The following CSMD1 variants were observed in gnomAD, a reference collection of about 807,000 sequenced individuals.
CSMD1 encodes CUB and Sushi multiple domains 1.
A neutral mutation model predicts 417.5 loss-of-function variants in CSMD1; 213 were observed. The ratio of observed to expected loss-of-function variants is 0.51; its 90% confidence interval spans 0.46 to 0.57. The LOEUF is 0.57. Among genes scored for constraint, CSMD1 ranks in the 20% least tolerant of loss-of-function variants. The probability of loss-of-function intolerance (pLI) is 0.00; values close to 1 mark genes in which losing one functional copy is unlikely to be tolerated. For missense variants in CSMD1, 6,923 were observed against 4,529.7 expected (o/e 1.53, Z -15.17); for synonymous variants, 2,862 against 1,736.8 (o/e 1.65, Z -16.11).
At chr8:3,662,328 T>C (rs150219686) in intron 7 of CSMD1, among the ~76,000 whole-genome samples, 134 of 152,336 alleles carry the variant, frequency 8.8e-4, no homozygotes, top group African/African-American at 3.0e-3. Context: ...AACAGTTAAA[T>C]GGTTTCTTAA....
chr8:3,478,067 A>T (rs1377954949), intron 11 of CSMD1, among the ~76,000 whole-genome samples: 3 of 152,226 alleles, frequency 2.0e-5, no homozygotes, highest in Non-Finnish European at 4.4e-5. Context: ...TCAACATGAA[A>T]TTAGAACAAG....
chr8:3,548,743 T>C (rs1008537713), intron 10 of CSMD1, among the ~76,000 whole-genome samples: 7 of 150,490 alleles, frequency 4.7e-5, no homozygotes, highest in Non-Finnish European at 1.0e-4. Context: ...GGAATTTGGG[T>C]TGTTTCTAAA....
At chr8:4,776,381 A>G (rs1269268402) in intron 1 of CSMD1, among the ~76,000 whole-genome samples, 1 of 152,154 alleles carries the variant, frequency 6.6e-6, no homozygotes, top group Admixed American at 6.6e-5. Flanking sequence ...TACTATATCT[A>G]CTATACGTTA....
intron 3 of CSMD1, among the ~76,000 whole-genome samples, chr8:4,229,779 G>A (rs1442339684): frequency 6.6e-6 from 1 of 152,072 alleles, no homozygotes; most frequent in African/African-American, 2.4e-5. Context: ...CCCACTAAGT[G>A]TTTCATCACT....
intron 1 of CSMD1, among the ~76,000 whole-genome samples, chr8:4,954,775 G>A (rs1312257308): frequency 6.6e-6 from 1 of 152,050 alleles, no homozygotes; most frequent in Non-Finnish European, 1.5e-5. Context: ...CTATTACACA[G>A]AATTACGGTT....
chr8:4,570,943 G>T (rs183480210), intron 2 of CSMD1, among the ~76,000 whole-genome samples: 41 of 152,260 alleles, frequency 2.7e-4, no homozygotes, highest in Admixed American at 2.7e-3. Context: ...GGTATTTATA[G>T]TATTCTGTGG....
At chr8:4,508,341 T>A (rs560013438) in intron 2 of CSMD1, among the ~76,000 whole-genome samples, 1 of 152,266 alleles carries the variant, frequency 6.6e-6, no homozygotes, top group East Asian at 1.9e-4. Context: ...TACAGGATTG[T>A]ATAAGATGGG....
intron 1 of CSMD1, among the ~76,000 whole-genome samples, chr8:4,942,822 T>C (rs1808100640): frequency 2.0e-5 from 3 of 152,334 alleles, no homozygotes; most frequent in African/African-American, 4.8e-5. Flanking sequence ...GCTGTGATAA[T>C]AGGTGTTAAC....
At chr8:4,514,518 C>T (rs764102756) in intron 2 of CSMD1, among the ~76,000 whole-genome samples, 2 of 152,276 alleles carry the variant, frequency 1.3e-5, no homozygotes, top group East Asian at 3.9e-4. Context: ...GAGGGAACAT[C>T]GTGAGTTAAA....
intron 5 of CSMD1, among the ~76,000 whole-genome samples, chr8:3,759,645 G>C (rs892261080): frequency 3.3e-5 from 5 of 151,398 alleles, no homozygotes; most frequent in Middle Eastern, 3.4e-3. Context: ...TGTAATTTCA[G>C]CAATTTGGGA....
At chr8:4,305,946 G>T (rs1465229049) in intron 3 of CSMD1, among the ~76,000 whole-genome samples, 3 of 152,124 alleles carry the variant, frequency 2.0e-5, no homozygotes, top group Non-Finnish European at 4.4e-5. Context: ...AAACTGTATT[G>T]CAGGGTAACT....
chr8:3,395,077 TAGG>T (rs1811605235), intron 17 of CSMD1, among the ~76,000 whole-genome samples: 1 of 151,954 alleles, frequency 6.6e-6, no homozygotes, highest in Non-Finnish European at 1.5e-5. Context: ...ACAAGAGTAA[TAGG>T]AGGTGATGTG....
chr8:3,151,620 G>A (rs944396587), intron 39 of CSMD1, 107 bp from the exon 40 acceptor site: 9 of 684,442 alleles, frequency 1.3e-5, no homozygotes, highest in Non-Finnish European at 2.1e-5. Context: ...AGTCTTCGGA[G>A]TTAATTCTGC....
chr8:4,814,760 T>A (rs893655991), intron 1 of CSMD1, among the ~76,000 whole-genome samples: 1 of 152,188 alleles, frequency 6.6e-6, no homozygotes, highest in African/African-American at 2.4e-5. Context: ...AGATCATTGA[T>A]AAGGAAATGT....
At chr8:3,106,039 T>C (rs956376563) in intron 46 of CSMD1, among the ~76,000 whole-genome samples, 1 of 152,128 alleles carries the variant, frequency 6.6e-6, no homozygotes, top group Non-Finnish European at 1.5e-5. Context: ...AGAAAAAGCA[T>C]CATTAGATAT....
intron 4 of CSMD1, among the ~76,000 whole-genome samples, chr8:4,019,180 T>TCC (rs1796665371): frequency 1.3e-5 from 2 of 152,102 alleles, no homozygotes; most frequent in African/African-American, 4.8e-5. Context: ...AGCTCAACAG[T>TCC]CCAAGACAGG....
At chr8:3,179,161 T>TG (rs1563115615) in intron 37 of CSMD1, among the ~76,000 whole-genome samples, 4 of 142,868 alleles carry the variant, frequency 2.8e-5, no homozygotes, top group Admixed American at 2.0e-4. Flanking sequence ...TAGCCAGGAC[T>TG]GTCTCGATCT....
chr8:3,265,364 C>A (rs762963372), intron 26 of CSMD1, among the ~76,000 whole-genome samples: 1 of 152,116 alleles, frequency 6.6e-6, no homozygotes, highest in Non-Finnish European at 1.5e-5. Context: ...AACAGCCAAG[C>A]GTGATAAAGA....
At chr8:4,516,553 C>T (rs1803138667) in intron 2 of CSMD1, among the ~76,000 whole-genome samples, 1 of 152,098 alleles carries the variant, frequency 6.6e-6, no homozygotes, top group African/African-American at 2.4e-5. Flanking sequence ...GGTGTGGCCC[C>T]CAGCCACTGC....
Sources: gnomAD v4.1 joint callset for allele counts (sites outside exome capture counted in the v4.1 genomes callset) on GRCh38, gnomAD v4.1.1 for gene constraint, MANE v1.5 for transcripts, NCBI Gene and HGNC (gene_info 2026-07-23, HGNC 2026-07-21) for gene names.